Variants in ILRUN observed in about 807,000 individuals in gnomAD.
ILRUN encodes inflammation and lipid regulator with UBA-like and NBR1-like domains.
Under a neutral mutation model 33.8 loss-of-function variants are expected in ILRUN, and 3 were observed. The observed-to-expected ratio is 0.09, with a 90% CI of 0.04 to 0.23. The LOEUF (loss-of-function observed/expected upper bound fraction) is 0.23, where lower values mean the gene tolerates loss of function less well. Ranked by LOEUF, ILRUN falls within the 10% of genes least tolerant of loss-of-function variation. ILRUN has a pLI of 1.00. For synonymous variants in ILRUN, 124 were observed against 138.9 expected (o/e 0.89, Z 0.75); for missense variants, 210 against 375.1 (o/e 0.56, Z 3.64).
At chr6:34,659,229 GCA>G (rs1013520787) in intron 1 of ILRUN, among the ~76,000 whole-genome samples, 1 of 152,200 alleles carries the variant, frequency 6.6e-6, no homozygotes, top group African/African-American at 2.4e-5. Context: ...TTGGTACACA[GCA>G]CAGTTTCAAC....
chr6:34,609,830 C>T (rs910005536), intron 3 of ILRUN, among the ~76,000 whole-genome samples: 8 of 152,266 alleles, frequency 5.3e-5, no homozygotes, highest in Non-Finnish European at 1.0e-4. Context: ...GTATGACTCA[C>T]AGGAATGTAC....
intron 3 of ILRUN, among the ~76,000 whole-genome samples, chr6:34,611,670 A>G (rs1358945760): frequency 6.6e-6 from 1 of 152,252 alleles, no homozygotes; most frequent in Non-Finnish European, 1.5e-5. Flanking sequence ...GATAAGAACT[A>G]GCTGCTAGCC....
intron 3 of ILRUN, among the ~76,000 whole-genome samples, chr6:34,637,381 CTT>C (rs1465411755): frequency 5.3e-5 from 8 of 152,032 alleles, no homozygotes; most frequent in South Asian, 2.1e-4. Flanking sequence ...CAGAATTGTA[CTT>C]GATTTTAAGA....
intron 3 of ILRUN, among the ~76,000 whole-genome samples, chr6:34,619,752 A>C (rs893669024): frequency 2.0e-5 from 3 of 152,192 alleles, no homozygotes; most frequent in African/African-American, 7.2e-5. Context: ...TGGGAGGCTG[A>C]GGCGGGTGGA....
chr6:34,687,709 AT>A (rs202239188), intron 1 of ILRUN, among the ~76,000 whole-genome samples: 137 of 122,874 alleles, frequency 1.1e-3, no homozygotes, highest in Non-Finnish European at 1.2e-3. Context: ...AAAAAAAAAA[AT>A]ATATATATAT....
intron 1 of ILRUN, chr6:34,696,181 A>C: frequency 2.3e-6 from 1 of 427,328 alleles, no homozygotes; most frequent in Non-Finnish European, 4.2e-6. Context: ...CTTGGCCCCT[A>C]ATCCTCGAAA....
At chr6:34,652,771 A>T (rs1266799472) in intron 2 of ILRUN, among the ~76,000 whole-genome samples, 1 of 152,176 alleles carries the variant, frequency 6.6e-6, no homozygotes, top group Non-Finnish European at 1.5e-5. Context: ...TAATAATAAG[A>T]AAGTTAAAAC....
chr6:34,685,606 G>C (rs1460326047), intron 1 of ILRUN: 7 of 152,224 alleles, frequency 4.6e-5, no homozygotes, highest in Admixed American at 4.6e-4. Flanking sequence ...AGCATCCCAA[G>C]TAGCTAAGAC....
intron 1 of ILRUN, among the ~76,000 whole-genome samples, chr6:34,689,207 A>G (rs1763595526): frequency 6.6e-6 from 1 of 152,104 alleles, no homozygotes; most frequent in Admixed American, 6.6e-5. Context: ...AGTACTGCAC[A>G]CACGTAATCC....
chr6:34,609,028 G>A (rs979923074), intron 3 of ILRUN, among the ~76,000 whole-genome samples: 1 of 152,174 alleles, frequency 6.6e-6, no homozygotes, highest in African/African-American at 2.4e-5. Flanking sequence ...CTAAATAACT[G>A]TTGAAAGGTT....
intron 1 of ILRUN, among the ~76,000 whole-genome samples, chr6:34,683,521 TATATATAC>T (rs1562033436): frequency 2.2e-5 from 3 of 136,826 alleles, no homozygotes; most frequent in African/African-American, 8.6e-5. Flanking sequence ...TATACATATA[TATATATAC>T]ATATTGCACA....
intron 4 of ILRUN, among the ~76,000 whole-genome samples, chr6:34,602,153 C>G (rs1239904618): frequency 6.6e-6 from 1 of 151,858 alleles, no homozygotes; most frequent in African/African-American, 2.4e-5. Flanking sequence ...AATATAAGAG[C>G]CATATTTCAA....
At position 34,592,047 on chromosome 6, in the gene ILRUN, C is replaced by T. The variant is rs1362605190; in HGVS notation, c.862-1447G>A. ...AAAGCAGCTACACAAACCACGAACA[C>T]GCTGGACCATGACGTGTGCTTCCTC... On this transcript the variant is annotated intron_variant, in intron 4 of 4. Transcript: ENST00000374023. The surrounding 1 kb of genome is among the most constrained non-coding windows in gnomAD (Gnocchi z 4.0). Among the ~76,000 whole-genome samples, 4 of 152,134 alleles carry T rather than the reference C, an allele frequency of 2.6e-5. No individual in the cohort carries two copies. The highest frequency in any genetic ancestry group is 4.8e-5 in the African/African-American group (2 of 41,422).
At chr6:34,641,625 G>A (rs1762477311) in intron 3 of ILRUN, among the ~76,000 whole-genome samples, 1 of 152,080 alleles carries the variant, frequency 6.6e-6, no homozygotes, top group Non-Finnish European at 1.5e-5. Flanking sequence ...TCAAGGAAAA[G>A]GTTCCATAGC....
At chr6:34,641,155 G>A (rs781199790) in intron 3 of ILRUN, among the ~76,000 whole-genome samples, 2 of 149,978 alleles carry the variant, frequency 1.3e-5, no homozygotes, top group African/African-American at 2.5e-5. Flanking sequence ...GCAATCTTTT[G>A]TTGTTAAAAC....
intron 4 of ILRUN, among the ~76,000 whole-genome samples, chr6:34,599,978 G>A (rs899400206): frequency 1.3e-5 from 2 of 152,060 alleles, no homozygotes; most frequent in African/African-American, 2.4e-5. Flanking sequence ...ATATAGATCC[G>A]GACATGGACC....
At chr6:34,676,121 T>G (rs560738633) in intron 1 of ILRUN, among the ~76,000 whole-genome samples, 1 of 152,166 alleles carries the variant, frequency 6.6e-6, no homozygotes, top group African/African-American at 2.4e-5. Context: ...GAGAACAGTA[T>G]ATATAGAGCT....
rs193095532 is a variant in ILRUN at position 34,643,785 on chromosome 6, C to T, written c.511+2816G>A. 4.3e-3 allele frequency among the ~76,000 whole-genome samples: 661 copies of T among 152,366 alleles called. 6 individuals are homozygous for T. The highest frequency in any genetic ancestry group is 0.015 in the African/African-American group (604 of 41,594). ...TGGCGCGATCTCGGCTCATGGCAAC[C>T]TCCACCTCCCAGGTTCAAACAATTC... On this transcript the variant is annotated intron_variant, in intron 3 of 4. Transcript: ENST00000374023.
intron 1 of ILRUN, among the ~76,000 whole-genome samples, chr6:34,688,071 T>A (rs1411932426): frequency 1.3e-5 from 2 of 152,076 alleles, no homozygotes; most frequent in East Asian, 3.9e-4. Context: ...TTGTGATATG[T>A]ATATACAATG....
Sources: allele counts gnomAD v4.1 joint callset (sites outside exome capture counted in the v4.1 genomes callset), GRCh38; gene constraint gnomAD v4.1.1; non-coding constraint Gnocchi (gnomAD v3.1); transcripts MANE v1.5; gene names NCBI Gene and HGNC (gene_info 2026-07-23, HGNC 2026-07-21).